GRIK1: variants seen among roughly 807,000 people sequenced by gnomAD.
The protein encoded by GRIK1 is glutamate ionotropic receptor kainate type subunit 1.
Under a neutral mutation model 105.7 loss-of-function variants are expected in GRIK1, and 69 were observed. That is an observed-to-expected ratio of 0.65 (90% CI 0.54 to 0.80). The LOEUF is 0.80. GRIK1 is among the 30% of genes least tolerant of loss of function. The pLI, the probability that GRIK1 is intolerant of heterozygous loss-of-function variation, is 0.00. For synonymous variants in GRIK1, 438 were observed against 431.3 expected (o/e 1.02, Z -0.19); for missense variants, 1,109 against 1,167.3 (o/e 0.95, Z 0.73).
In GRIK1 at chr21:29,596,511, TG is replaced by T; in HGVS notation, c.1251+14del. On this transcript the variant is annotated intron_variant, in intron 9 of 17. Coordinates refer to ENST00000327783, the MANE Select transcript of GRIK1 (RefSeq NM_001330994.2). ...CCACCCCCAGGTTTCCTGCAGTTGT[TG>T]TCAGAGTACAAACCTTCTTCCACAC... 6.3e-7 allele frequency: 1 copy of T among 1,582,942 alleles called. No individual in the cohort carries two copies. Among genetic ancestry groups the T allele is most frequent in the African/African-American group, 1.3e-5 (1 of 74,454 alleles).
intron 7 of GRIK1, among the ~76,000 whole-genome samples, chr21:29,617,602 C>T (rs761479470): frequency 3.0e-4 from 45 of 152,188 alleles, no homozygotes; most frequent in African/African-American, 1.9e-4. Context: ...TTTTCAGAAG[C>T]GCTTGCATCT....
intron 1 of GRIK1, chr21:29,861,564 T>A (rs559379080): frequency 1.3e-5 from 3 of 222,800 alleles, no homozygotes; most frequent in Non-Finnish European, 2.5e-5. Context: ...CTCTTCGGCC[T>A]CCCAAAGTGT....
At chr21:29,742,381 G>A (rs1174737379) in intron 1 of GRIK1, among the ~76,000 whole-genome samples, 1 of 152,200 alleles carries the variant, frequency 6.6e-6, no homozygotes, top group Non-Finnish European at 1.5e-5. Flanking sequence ...TTGGATTGGA[G>A]ACAAAGTGAG....
At chr21:29,739,831 A>C (rs2064882059) in intron 1 of GRIK1, among the ~76,000 whole-genome samples, 1 of 152,236 alleles carries the variant, frequency 6.6e-6, no homozygotes, top group Non-Finnish European at 1.5e-5. Flanking sequence ...ATTTAAAAAT[A>C]CACACTAAGT....
At chr21:29,562,367 A>G (rs1243418504) in intron 14 of GRIK1, among the ~76,000 whole-genome samples, 1 of 152,086 alleles carries the variant, frequency 6.6e-6, no homozygotes. Context: ...GATAAGAAAA[A>G]TCTTCAGCCA....
chr21:29,907,454 G>A (rs763236356), intron 1 of GRIK1, among the ~76,000 whole-genome samples: 8 of 152,108 alleles, frequency 5.3e-5, no homozygotes, highest in South Asian at 4.2e-4. Context: ...CGTGTCCCCC[G>A]AATCATAGTC....
chr21:29,674,542 A>G (rs138258084), intron 3 of GRIK1, among the ~76,000 whole-genome samples: 7 of 152,132 alleles, frequency 4.6e-5, no homozygotes, highest in African/African-American at 1.7e-4. Context: ...TCGGGGGGGA[A>G]CTTGGTGGGA....
chr21:29,651,837 C>A (rs1477554307), intron 5 of GRIK1, among the ~76,000 whole-genome samples: 2 of 150,656 alleles, frequency 1.3e-5, no homozygotes, highest in Non-Finnish European at 3.0e-5. Context: ...GAACATATAC[C>A]CATTGGATAA....
intron 1 of GRIK1, among the ~76,000 whole-genome samples, chr21:29,846,217 C>T (rs2409349): frequency 0.17 from 23,975 of 144,952 alleles, 2,246 homozygotes; most frequent in East Asian, 0.39. Flanking sequence ...AGGGAGAAAC[C>T]CCTTCTCTAC....
intron 7 of GRIK1, among the ~76,000 whole-genome samples, chr21:29,633,078 C>A (rs187806699): frequency 9.8e-5 from 15 of 152,292 alleles, no homozygotes; most frequent in Admixed American, 9.8e-4. Context: ...TATAAAGGGG[C>A]TGGAGGGAAT....
intron 1 of GRIK1, among the ~76,000 whole-genome samples, chr21:29,856,505 A>C (rs1328999296): frequency 6.6e-6 from 1 of 152,194 alleles, no homozygotes; most frequent in Non-Finnish European, 1.5e-5. Flanking sequence ...ACACAAAATC[A>C]GGCTGATCCC....
chr21:29,804,948 T>C (rs1029297850), intron 1 of GRIK1, among the ~76,000 whole-genome samples: 1 of 152,150 alleles, frequency 6.6e-6, no homozygotes, highest in Non-Finnish European at 1.5e-5. Flanking sequence ...ATTAGAAGGC[T>C]GAAGTTCTGA....
chr21:29,613,958 A>C (rs867462096), intron 7 of GRIK1, among the ~76,000 whole-genome samples: 2 of 152,148 alleles, frequency 1.3e-5, no homozygotes, highest in Non-Finnish European at 2.9e-5. Flanking sequence ...CTTTTCAAAG[A>C]CTGCTTGCCC....
intron 1 of GRIK1, among the ~76,000 whole-genome samples, chr21:29,797,708 C>T (rs1382547529): frequency 2.0e-5 from 3 of 152,176 alleles, no homozygotes; most frequent in Non-Finnish European, 4.4e-5. Flanking sequence ...TTGAAAAGAA[C>T]AGTTCCATTT....
chr21:29,613,411 A>T (rs1223170393), intron 7 of GRIK1, among the ~76,000 whole-genome samples: 1 of 152,218 alleles, frequency 6.6e-6, no homozygotes, highest in African/African-American at 2.4e-5. Flanking sequence ...TTAGCTTTAA[A>T]AAAGAAGATC....
intron 1 of GRIK1, among the ~76,000 whole-genome samples, chr21:29,774,428 C>T (rs2065890451): frequency 1.3e-5 from 2 of 148,340 alleles, no homozygotes; most frequent in South Asian, 2.2e-4. Flanking sequence ...GAATCAAGTG[C>T]TGTTTCTTTA....
chr21:29,750,951 TG>T, intron 1 of GRIK1, among the ~76,000 whole-genome samples: 1 of 151,684 alleles, frequency 6.6e-6, no homozygotes, highest in South Asian at 2.1e-4. Context: ...GAGATAGGGG[TG>T]GGGCCGTTTT....
intron 14 of GRIK1, among the ~76,000 whole-genome samples, chr21:29,570,019 G>T (rs568518083): frequency 6.6e-6 from 1 of 152,284 alleles, no homozygotes; most frequent in East Asian, 1.9e-4. Flanking sequence ...ACTGATCTTT[G>T]CATCTCCTAA....
chr21:29,685,491 C>T (rs2063471151), intron 3 of GRIK1, among the ~76,000 whole-genome samples: 2 of 151,898 alleles, frequency 1.3e-5, no homozygotes, highest in Non-Finnish European at 1.5e-5. Flanking sequence ...TGAATTAGCA[C>T]TTGCTTATTT....
Sources: gnomAD v4.1 joint callset for allele counts (sites outside exome capture counted in the v4.1 genomes callset) on GRCh38, gnomAD v4.1.1 for gene constraint, MANE v1.5 for transcripts, NCBI Gene and HGNC (gene_info 2026-07-23, HGNC 2026-07-21) for gene names.